The following BTF3L4 variants were observed in gnomAD, a reference collection of about 807,000 sequenced individuals.
BTF3L4 encodes basic transcription factor 3 like 4.
BTF3L4 carries 6 observed loss-of-function variants against 16.8 expected under a neutral mutation model. That is an observed-to-expected ratio of 0.36 (90% confidence interval 0.20 to 0.71). The LOEUF is 0.71. Among genes scored for constraint, BTF3L4 ranks in the 30% least tolerant of loss-of-function variants. The pLI, the probability that BTF3L4 is intolerant of heterozygous loss-of-function variation, is 0.58. For synonymous variants in BTF3L4, 39 were observed against 59.8 expected (o/e 0.65, Z 1.60); for missense variants, 92 against 186.9 (o/e 0.49, Z 2.96).
At position 52,087,694 on chromosome 1, in the gene BTF3L4, G is replaced by C. The variant is rs969872374; in HGVS notation, c.*936G>C. On this transcript the variant is annotated 3_prime_UTR_variant, in exon 6 of 6. Transcript: ENST00000313334. ...GTGCTTGCTAAATAATTTTATGCCA[G>C]CCTTATCCTGTATCCTAGCTGTTCT... is the stretch of plus-strand genomic sequence containing the variant. The C allele has an allele frequency of 1.3e-5, 2 of 152,424 alleles. No individual in the cohort carries two copies. The highest frequency in any genetic ancestry group is 4.8e-5 in the African/African-American group (2 of 41,438). The allele number at this position is 152,424 out of a possible 1,614,324, so 9.4% of individuals were successfully genotyped here.
At chr1:52,078,869 C>T (rs1303351919) in intron 3 of BTF3L4, among the ~76,000 whole-genome samples, 2 of 151,980 alleles carry the variant, frequency 1.3e-5, no homozygotes, top group Non-Finnish European at 2.9e-5. Flanking sequence ...AAATTTTGAC[C>T]TAAAGGGGAT....
intron 1 of BTF3L4, among the ~76,000 whole-genome samples, chr1:52,057,659 G>C (rs552961450): frequency 6.6e-6 from 1 of 152,136 alleles, no homozygotes; most frequent in Non-Finnish European, 1.5e-5. Flanking sequence ...GCTTGACATC[G>C]CATAGACTGA....
chr1:52,073,668 C>T (rs1686856042), intron 3 of BTF3L4, among the ~76,000 whole-genome samples: 1 of 105,666 alleles, frequency 9.5e-6, no homozygotes, highest in Non-Finnish European at 1.7e-5. Flanking sequence ...GCCTAGGTAA[C>T]ATCGTGAGAT....
At chr1:52,069,080 A>G (rs1686721772) in intron 3 of BTF3L4, among the ~76,000 whole-genome samples, 2 of 152,206 alleles carry the variant, frequency 1.3e-5, no homozygotes, top group Non-Finnish European at 2.9e-5. Flanking sequence ...GATATGTGGC[A>G]TGTGTGTACA....
rs1643971456 is a variant in BTF3L4 at position 52,086,147 on chromosome 1, G to C, written c.406G>C (p.Asp136His). Residue 136 changes from aspartate (D) to histidine (H), a missense_variant, in exon 5 of 6, where the codon GAT becomes CAT. By Grantham distance (81) the Asp-to-His change is moderately conservative. Coordinates refer to ENST00000313334, the MANE Select transcript of BTF3L4 (RefSeq NM_152265.5). ...TAAAGCACCAAAACCAGAAGACATTGATGAGGAAGATGATGATGTTCCAGG... is the reference window on the plus strand; with the variant it reads ...TAAAGCACCAAAACCAGAAGACATTCATGAGGAAGATGATGATGTTCCAGG... ...DSKAPKPEDI[D>H]EEDDDVPDLV... is the part of the protein sequence containing the mutation. 5 of 1,611,032 alleles carry C rather than the reference G, an allele frequency of 3.1e-6. No individual in the cohort carries two copies. The South Asian group carries it at 5.5e-5, about 18-fold the overall frequency.
intron 3 of BTF3L4, among the ~76,000 whole-genome samples, chr1:52,073,608 T>G (rs553702050): frequency 7.3e-5 from 10 of 137,466 alleles, no homozygotes; most frequent in Non-Finnish European, 1.2e-4. Context: ...ATTCCAACAC[T>G]TTGAGAGGCT....
intron 3 of BTF3L4, among the ~76,000 whole-genome samples, chr1:52,075,340 G>C: frequency 6.6e-6 from 1 of 150,696 alleles, no homozygotes. Flanking sequence ...GGCCAACATG[G>C]TGAAACCCCA....
chr1:52,069,842 A>G (rs1306771624), intron 3 of BTF3L4, among the ~76,000 whole-genome samples: 1 of 152,168 alleles, frequency 6.6e-6, no homozygotes, highest in Non-Finnish European at 1.5e-5. Context: ...GAATGTCACT[A>G]ACATTAGTAC....
rs1326785243 is a variant in BTF3L4 at position 52,086,722 on chromosome 1, A to G, written c.441A>G (p.Glu147=). The G allele has an allele frequency of 6.3e-7, 1 of 1,596,078 alleles. No individual in the cohort carries two copies. The highest frequency in any genetic ancestry group is 1.3e-5 in the African/African-American group (1 of 74,136). The change falls in exon 6 of 6, where the codon GAA becomes GAG. Residue 147 remains glutamate, a synonymous_variant. Transcript: ENST00000313334. ...GTTTTTCTTTTTCAGATCTTGTAGA[A>G]AATTTTGATGAGGCATCAAAGAATG... The part of the protein sequence containing the change: ...EEDDDVPDLV[E]NFDEASKNEA...
At chr1:52,064,236 T>C (rs1344466915) in intron 2 of BTF3L4, among the ~76,000 whole-genome samples, 1 of 152,210 alleles carries the variant, frequency 6.6e-6, no homozygotes, top group Non-Finnish European at 1.5e-5. Flanking sequence ...CAGAGGGGGC[T>C]TTCCTGGACC....
intron 3 of BTF3L4, among the ~76,000 whole-genome samples, chr1:52,076,610 A>C (rs1686941906): frequency 1.3e-5 from 2 of 151,888 alleles, no homozygotes; most frequent in African/African-American, 2.4e-5. Context: ...AAAAAAAAAA[A>C]TTCCTGTCTT....
intron 2 of BTF3L4, among the ~76,000 whole-genome samples, chr1:52,060,249 C>A (rs1469044178): frequency 6.6e-6 from 1 of 152,086 alleles, no homozygotes; most frequent in Non-Finnish European, 1.5e-5. Context: ...TTATAAAACA[C>A]CTAATGTGGT....
chr1:52,077,068 T>C (rs1033422535), intron 3 of BTF3L4, among the ~76,000 whole-genome samples: 23 of 152,092 alleles, frequency 1.5e-4, no homozygotes, highest in African/African-American at 5.6e-4. Flanking sequence ...CCTAGGAGGC[T>C]GAGGCAGAAG....
intron 1 of BTF3L4, among the ~76,000 whole-genome samples, chr1:52,058,237 CT>C (rs1226358622): frequency 3.3e-5 from 5 of 152,174 alleles, no homozygotes; most frequent in African/African-American, 1.2e-4. Flanking sequence ...AACACACTTC[CT>C]CCTATAAAAG....
chr1:52,078,878 A>T (rs1686996991), intron 3 of BTF3L4, among the ~76,000 whole-genome samples: 1 of 151,934 alleles, frequency 6.6e-6, no homozygotes, highest in South Asian at 2.1e-4. Context: ...CCTAAAGGGG[A>T]TGTTTGGTTG....
At chr1:52,073,500 A>G (rs1395321971) in intron 3 of BTF3L4, among the ~76,000 whole-genome samples, 2 of 134,520 alleles carry the variant, frequency 1.5e-5, no homozygotes, top group East Asian at 2.4e-4. Flanking sequence ...ACATACACAC[A>G]CACACACACA....
chr1:52,077,950 C>G (rs1006837638), intron 3 of BTF3L4, among the ~76,000 whole-genome samples: 1 of 152,166 alleles, frequency 6.6e-6, no homozygotes, highest in Non-Finnish European at 1.5e-5. Context: ...AAAAGTCAGG[C>G]TAAAGATACA....
At position 52,086,692 on chromosome 1, in the gene BTF3L4, A is replaced by G; in HGVS notation, c.431-20A>G. 6.7e-7 allele frequency: 1 copy of G among 1,499,460 alleles called. No individual in the cohort carries two copies. Among genetic ancestry groups the G allele is most frequent in the Non-Finnish European group, 9.2e-7 (1 of 1,088,838 alleles). 92.9% of individuals were successfully genotyped at this position (1,499,460 alleles called of 1,614,324 possible). ...CTTTTTTGTATTCTTTGATTCATATACTTTGTTTTTCTTTTTCAGATCTTG... is the reference window on the plus strand; with the variant it reads ...CTTTTTTGTATTCTTTGATTCATATGCTTTGTTTTTCTTTTTCAGATCTTG... On this transcript the variant is annotated intron_variant, in intron 5 of 5. Coordinates refer to ENST00000313334, the MANE Select transcript of BTF3L4 (RefSeq NM_152265.5).
intron 2 of BTF3L4, among the ~76,000 whole-genome samples, chr1:52,062,350 C>T (rs766535065): frequency 3.3e-5 from 5 of 151,624 alleles, no homozygotes; most frequent in Admixed American, 1.3e-4. Context: ...TACAGGCACG[C>T]GCCACCACGC....
Sources: allele counts gnomAD v4.1 joint callset (sites outside exome capture counted in the v4.1 genomes callset), GRCh38; gene constraint gnomAD v4.1.1; transcripts MANE v1.5; gene names NCBI Gene and HGNC (gene_info 2026-07-23, HGNC 2026-07-21).